SH3PXD2A: variants seen among roughly 807,000 people sequenced by gnomAD.
SH3PXD2A encodes SH3 and PX domains 2A.
SH3PXD2A carries 32 observed loss-of-function variants against 115.2 expected under a neutral mutation model. The ratio of observed to expected loss-of-function variants is 0.28; its 90% CI spans 0.21 to 0.37. SH3PXD2A has a LOEUF of 0.37. Among genes scored for constraint, SH3PXD2A ranks in the 10% least tolerant of loss-of-function variants. The pLI is 1.00. For synonymous variants in SH3PXD2A, 610 were observed against 629.1 expected (o/e 0.97, Z 0.45); for missense variants, 1,328 against 1,498.7 (o/e 0.89, Z 1.88).
intron 1 of SH3PXD2A, among the ~76,000 whole-genome samples, chr10:103,847,968 T>G (rs1200497712): frequency 2.7e-5 from 4 of 150,328 alleles, no homozygotes; most frequent in African/African-American, 9.9e-5. Context: ...TAAAACAAGT[T>G]CAGAGAGATC....
At chr10:103,757,509 C>A (rs1033689020) in intron 3 of SH3PXD2A, among the ~76,000 whole-genome samples, 2 of 152,166 alleles carry the variant, frequency 1.3e-5, no homozygotes, top group African/African-American at 4.8e-5. Flanking sequence ...GGAGCTGATT[C>A]CCTTCTAGAA....
chr10:103,770,838 C>G (rs2038810959), intron 2 of SH3PXD2A, among the ~76,000 whole-genome samples: 3 of 152,226 alleles, frequency 2.0e-5, no homozygotes, highest in Non-Finnish European at 4.4e-5. Context: ...TGACTTCTCA[C>G]TACTATATAT....
At chr10:103,701,694 C>G (rs2037910041) in intron 5 of SH3PXD2A, among the ~76,000 whole-genome samples, 1 of 130,962 alleles carries the variant, frequency 7.6e-6, no homozygotes, top group Non-Finnish European at 1.7e-5. Context: ...CATCATTCAT[C>G]CAGCCATCCA....
intron 7 of SH3PXD2A, 89 bp downstream of exon 7, chr10:103,668,519 A>T: frequency 8.9e-7 from 1 of 1,117,500 alleles, no homozygotes. Context: ...ATCACAGGGA[A>T]GCATGCGCAG....
chr10:103,619,780 G>T (rs1329708024), intron 10 of SH3PXD2A, among the ~76,000 whole-genome samples: 1 of 152,210 alleles, frequency 6.6e-6, no homozygotes, highest in Non-Finnish European at 1.5e-5. Flanking sequence ...GGACTCTGGG[G>T]CTGCAGCAAC....
At chr10:103,796,909 T>C (rs1344199451) in intron 2 of SH3PXD2A, among the ~76,000 whole-genome samples, 1 of 148,496 alleles carries the variant, frequency 6.7e-6, no homozygotes, top group Non-Finnish European at 1.5e-5. Flanking sequence ...TTGCCCAGGC[T>C]GGAGTGCAGT....
At chr10:103,845,489 A>T (rs1441925111) in intron 1 of SH3PXD2A, among the ~76,000 whole-genome samples, 1 of 152,194 alleles carries the variant, frequency 6.6e-6, no homozygotes, top group Non-Finnish European at 1.5e-5. Flanking sequence ...GACAGTTTAC[A>T]AATGCCATGG....
chr10:103,735,922 C>G (rs1369418837), intron 3 of SH3PXD2A, 114 bp from the exon 4 acceptor site: 1 of 829,596 alleles, frequency 1.2e-6, no homozygotes, highest in South Asian at 1.4e-5. Flanking sequence ...CCTGCCACCA[C>G]CCCGTCCACG....
At chr10:103,790,513 G>A (rs2039025708) in intron 2 of SH3PXD2A, among the ~76,000 whole-genome samples, 1 of 152,166 alleles carries the variant, frequency 6.6e-6, no homozygotes, top group African/African-American at 2.4e-5. Context: ...CTAGAAGCGA[G>A]AGTACCAGAG....
In SH3PXD2A at chr10:103,756,050, T is replaced by C. The variant is rs1395753028; in HGVS notation, c.229+11044A>G. ...ATGAACGGGCTCCATCTTCAGGCCATGCCAGTCCCCTGGGGCCAACTGTGG... is the reference window on the plus strand; with the variant it reads ...ATGAACGGGCTCCATCTTCAGGCCACGCCAGTCCCCTGGGGCCAACTGTGG... On this transcript the variant is annotated intron_variant, in intron 3 of 14. Transcript: ENST00000369774. This position sits in a 1 kb window ranked among gnomAD's most constrained non-coding sequence, Gnocchi z 4.4. Among the ~76,000 whole-genome samples the C allele has an allele frequency of 6.6e-6, 1 of 152,180 alleles. No homozygotes were observed. Among genetic ancestry groups the C allele is most frequent in the African/African-American group, 2.4e-5 (1 of 41,436 alleles).
chr10:103,843,846 CCT>C (rs1474303021), intron 1 of SH3PXD2A, among the ~76,000 whole-genome samples: 1 of 152,178 alleles, frequency 6.6e-6, no homozygotes, highest in Non-Finnish European at 1.5e-5. Context: ...AGATGCTGCA[CCT>C]CCCTGAGCCT....
chr10:103,833,579 T>C (rs1044564194), intron 1 of SH3PXD2A, among the ~76,000 whole-genome samples: 5 of 152,240 alleles, frequency 3.3e-5, no homozygotes, highest in African/African-American at 1.2e-4. Context: ...GAGGAATCTT[T>C]TTTTAAAAGT....
chr10:103,627,641 G>A lies in SH3PXD2A; in HGVS notation c.605-439C>T, dbSNP rs887513092. Among the ~76,000 whole-genome samples, 3 of 152,200 alleles carry A rather than the reference G, an allele frequency of 2.0e-5. No homozygotes were observed. Among genetic ancestry groups the A allele is most frequent in the African/African-American group, 2.4e-5 (1 of 41,460 alleles). On this transcript the variant is annotated intron_variant, in intron 8 of 14. Coordinates refer to ENST00000369774, the MANE Select transcript of SH3PXD2A (RefSeq NM_001394015.1). This position sits in a 1 kb window ranked among gnomAD's most constrained non-coding sequence, Gnocchi z 4.4. ...AAGTGCCTCACAGACAGTCTCTAACGGTCAACGGTTGCCTTTTCCCCATCG... is the reference window on the plus strand; with the variant it reads ...AAGTGCCTCACAGACAGTCTCTAACAGTCAACGGTTGCCTTTTCCCCATCG...
intron 8 of SH3PXD2A, among the ~76,000 whole-genome samples, chr10:103,644,440 A>G (rs890443112): frequency 1.3e-5 from 2 of 152,036 alleles, no homozygotes; most frequent in African/African-American, 4.8e-5. Context: ...TAAAAAATTT[A>G]GCGGGGCATA....
intron 3 of SH3PXD2A, among the ~76,000 whole-genome samples, chr10:103,762,797 T>G (rs2038714600): frequency 6.6e-6 from 1 of 152,110 alleles, no homozygotes; most frequent in African/African-American, 2.4e-5. Context: ...TACAAAATTT[T>G]CTATAGGATT....
rs1033234086 is a variant in SH3PXD2A, at chr10:103,798,744, C to T, written c.153+2538G>A. 9.2e-5 allele frequency among the ~76,000 whole-genome samples: 14 copies of T among 152,218 alleles called. No individual in the cohort carries two copies. The South Asian group carries it at 1.7e-3, about 18-fold the overall frequency. On this transcript the variant is annotated intron_variant, in intron 2 of 14. Transcript: ENST00000369774. ...CCCTGGGCCACACCCCAGCTCCCAG[C>T]GGGCTCCCACCCTGCCCCAGAGGAC...
intron 1 of SH3PXD2A, among the ~76,000 whole-genome samples, chr10:103,815,992 G>T (rs1258091320): frequency 6.6e-6 from 1 of 152,198 alleles, no homozygotes; most frequent in Non-Finnish European, 1.5e-5. Context: ...GGTGACAGGG[G>T]TGAGGAGGTA....
intron 2 of SH3PXD2A, among the ~76,000 whole-genome samples, chr10:103,770,038 G>A (rs2134228753): frequency 6.6e-6 from 1 of 152,252 alleles, no homozygotes; most frequent in South Asian, 2.1e-4. Context: ...TTATAGCAGT[G>A]GGTGGTCAAA....
intron 2 of SH3PXD2A, 128 bp downstream of exon 2, chr10:103,801,154 G>C: frequency 1.6e-6 from 1 of 637,598 alleles, no homozygotes; most frequent in Non-Finnish European, 2.9e-6. Context: ...TCCCTCCTCT[G>C]TCCCTCTGCT....
Sources: gnomAD v4.1 joint callset for allele counts (sites outside exome capture counted in the v4.1 genomes callset) on GRCh38, gnomAD v4.1.1 for gene constraint, Gnocchi (gnomAD v3.1) non-coding constraint, MANE v1.5 for transcripts, NCBI Gene and HGNC (gene_info 2026-07-23, HGNC 2026-07-21) for gene names.